KAZN: variants seen among roughly 807,000 people sequenced by gnomAD.
KAZN encodes kazrin, periplakin interacting protein, also known as kazrin.
In KAZN, 40 loss-of-function variants were observed where a neutral mutation model predicts 87.4. The observed-to-expected ratio is 0.46, with a 90% CI of 0.36 to 0.60. The LOEUF is 0.60. Ranked by LOEUF, KAZN falls within the 20% of genes least tolerant of loss-of-function variation. KAZN has a pLI of 0.00. For missense variants in KAZN, 898 were observed against 1,073.9 expected, an observed-to-expected ratio of 0.84 and a Z score of 2.29; for synonymous variants, 466 against 458.3, an observed-to-expected ratio of 1.02 and a Z score of -0.22.
At chr1:14,086,821 G>C (rs554340481) in intron 1 of KAZN, among the ~76,000 whole-genome samples, 78 of 152,260 alleles carry the variant, frequency 5.1e-4, no homozygotes, top group Non-Finnish European at 9.3e-4. Flanking sequence ...TTTCTCCATT[G>C]AATTGTCTTG....
intron 2 of KAZN, among the ~76,000 whole-genome samples, chr1:14,333,246 A>G (rs1656980127): frequency 6.6e-6 from 1 of 152,206 alleles, no homozygotes; most frequent in East Asian, 1.9e-4. Context: ...ACAGTATTCC[A>G]TGGTGTATAT....
At chr1:14,247,782 G>A (rs1393527340) in intron 2 of KAZN, among the ~76,000 whole-genome samples, 9 of 151,794 alleles carry the variant, frequency 5.9e-5, no homozygotes, top group Non-Finnish European at 1.2e-4. Flanking sequence ...AGTGAGAAAC[G>A]TTCTAAGCAC....
intron 1 of KAZN, among the ~76,000 whole-genome samples, chr1:14,772,106 C>T (rs1361857382): frequency 6.6e-6 from 1 of 152,132 alleles, no homozygotes; most frequent in Admixed American, 6.5e-5. Context: ...CTCAGGCTTT[C>T]TCTGAGTCTT....
intron 2 of KAZN, among the ~76,000 whole-genome samples, chr1:14,460,267 G>A (rs1667787477): frequency 1.3e-5 from 2 of 152,214 alleles, no homozygotes; most frequent in Non-Finnish European, 2.9e-5. Context: ...CATGCTGGAT[G>A]TCGGGCTTGG....
At chr1:13,893,825 A>G in intron 1 of KAZN, 1 of 1,530,880 alleles carries the variant, frequency 6.5e-7, no homozygotes, top group Non-Finnish European at 8.8e-7. Context: ...GTCCCCAAAA[A>G]CAGCGGTCTG....
intron 1 of KAZN, among the ~76,000 whole-genome samples, chr1:14,930,222 G>C (rs534065455): frequency 6.6e-6 from 1 of 152,302 alleles, no homozygotes; most frequent in South Asian, 2.1e-4. Flanking sequence ...GCCGGTGCCC[G>C]TGGTCTCGTC....
chr1:15,103,772 T>C (rs1325210519), intron 12 of KAZN, among the ~76,000 whole-genome samples: 2 of 152,102 alleles, frequency 1.3e-5, no homozygotes, highest in Non-Finnish European at 2.9e-5. Flanking sequence ...CCTAAGCAAG[T>C]GTGGGGTTGA....
At chr1:14,848,213 T>C (rs942016846) in intron 1 of KAZN, among the ~76,000 whole-genome samples, 2 of 152,194 alleles carry the variant, frequency 1.3e-5, no homozygotes, top group Admixed American at 6.5e-5. Flanking sequence ...TTCTTTCCTC[T>C]GCTTTGCTGC....
intron 1 of KAZN, among the ~76,000 whole-genome samples, chr1:14,109,278 G>T (rs1208225993): frequency 2.0e-5 from 3 of 152,184 alleles, no homozygotes; most frequent in South Asian, 4.1e-4. Context: ...TTGCACAGGG[G>T]TGGGCCAGTA....
intron 2 of KAZN, among the ~76,000 whole-genome samples, chr1:14,286,828 T>G (rs1417968447): frequency 6.6e-6 from 1 of 152,210 alleles, no homozygotes; most frequent in African/African-American, 2.4e-5. Context: ...TATGCTAGTC[T>G]TAATTTTTAG....
intron 1 of KAZN, among the ~76,000 whole-genome samples, chr1:14,087,954 G>A (rs1643891433): frequency 1.3e-5 from 2 of 148,886 alleles, no homozygotes; most frequent in Admixed American, 6.7e-5. Context: ...TAGGGTAATG[G>A]TGGACTCATA....
At chr1:14,681,481 G>A (rs1407027614) in intron 1 of KAZN, among the ~76,000 whole-genome samples, 1 of 150,928 alleles carries the variant, frequency 6.6e-6, no homozygotes, top group African/African-American at 2.4e-5. Flanking sequence ...ACTCATGACT[G>A]TAATTCTTTT....
intron 1 of KAZN, among the ~76,000 whole-genome samples, chr1:14,819,183 A>G (rs1276113074): frequency 1.3e-5 from 2 of 152,190 alleles, no homozygotes; most frequent in African/African-American, 4.8e-5. Flanking sequence ...CTAACTTGGT[A>G]CCGGTATAGA....
At chr1:14,446,950 G>C (rs989678354) in intron 2 of KAZN, among the ~76,000 whole-genome samples, 2 of 152,048 alleles carry the variant, frequency 1.3e-5, no homozygotes, top group Non-Finnish European at 2.9e-5. Context: ...ACATGTACAG[G>C]TTTGTTATAT....
intron 1 of KAZN, among the ~76,000 whole-genome samples, chr1:13,916,040 C>A (rs1188189411): frequency 3.9e-5 from 6 of 152,136 alleles, no homozygotes; most frequent in Non-Finnish European, 7.4e-5. Context: ...TCAGACCAAG[C>A]CCTAACCAGT....
intron 1 of KAZN, among the ~76,000 whole-genome samples, chr1:13,999,453 A>G (rs561572720): frequency 3.7e-4 from 56 of 152,168 alleles, no homozygotes; most frequent in Non-Finnish European, 6.5e-4. Context: ...CTCCTGAATG[A>G]CTCCTGGGTA....
At chr1:14,814,916 C>T (rs761509764) in intron 1 of KAZN, among the ~76,000 whole-genome samples, 3 of 152,118 alleles carry the variant, frequency 2.0e-5, no homozygotes, top group Non-Finnish European at 4.4e-5. Context: ...TTAATAATAC[C>T]TCGTTCAGGG....
intron 13 of KAZN, among the ~76,000 whole-genome samples, chr1:15,105,759 G>A (rs1463106923): frequency 6.6e-6 from 1 of 152,092 alleles, no homozygotes; most frequent in African/African-American, 2.4e-5. Context: ...TGTATGGCAG[G>A]GTCCAGGTGT....
At chr1:14,866,033 G>C (rs372599673) in intron 1 of KAZN, among the ~76,000 whole-genome samples, 2 of 152,158 alleles carry the variant, frequency 1.3e-5, no homozygotes, top group African/African-American at 4.8e-5. Context: ...ATACATTTCC[G>C]TTGTTCTGAG....
Sources: gnomAD v4.1 joint callset for allele counts (sites outside exome capture counted in the v4.1 genomes callset) on GRCh38, gnomAD v4.1.1 for gene constraint, MANE v1.5 for transcripts, NCBI Gene and HGNC (gene_info 2026-07-23, HGNC 2026-07-21) for gene names.